SORL1: variants seen among roughly 807,000 people sequenced by gnomAD.
The protein encoded by SORL1 is sortilin-related receptor.
Under a neutral mutation model 273.7 loss-of-function variants are expected in SORL1, and 127 were observed. That is an observed-to-expected ratio of 0.46 (90% CI 0.40 to 0.54). The LOEUF is 0.54. Among genes scored for constraint, SORL1 ranks in the 20% least tolerant of loss-of-function variants. The pLI is 0.00. For synonymous variants in SORL1, 1,031 were observed against 1,067.4 expected (o/e 0.97, Z 0.66); for missense variants, 2,494 against 2,846.1 (o/e 0.88, Z 2.81).
intron 32 of SORL1, among the ~76,000 whole-genome samples, chr11:121,597,283 G>A (rs895162233): frequency 1.3e-5 from 2 of 152,222 alleles, no homozygotes; most frequent in Non-Finnish European, 2.9e-5. Flanking sequence ...GCTTGGTTAA[G>A]AGGAAGGAGT....
chr11:121,568,328 G>A (rs1394796543), intron 22 of SORL1, among the ~76,000 whole-genome samples: 1 of 152,136 alleles, frequency 6.6e-6, no homozygotes, highest in East Asian at 1.9e-4. Context: ...AGAAACAAGA[G>A]ACTTTCTTTC....
intron 11 of SORL1, among the ~76,000 whole-genome samples, chr11:121,529,171 T>C (rs1862166448): frequency 6.6e-6 from 1 of 152,244 alleles, no homozygotes; most frequent in African/African-American, 2.4e-5. Flanking sequence ...ATCTATTTTA[T>C]CTGATATTAA....
At position 121,496,924 on chromosome 11, in the gene SORL1, T is replaced by C. The variant is rs775618901; in HGVS notation, c.814T>C (p.Ser272Pro). The stretch of plus-strand genomic sequence containing the variant: ...CATCTACATTGAACGACATGAACCC[T>C]CTGGCTACTCCACTGTCTTCCGAAG... ...NTIYIERHEPSGYSTVFRSTD... is the reference protein window; with the variant it reads ...NTIYIERHEPPGYSTVFRSTD... The change falls in exon 6 of 48, where the codon TCT (serine) becomes CCT (proline). Residue 272 changes from serine (S) to proline (P), a missense_variant. Transcript: ENST00000260197. 5.6e-6 allele frequency: 9 copies of C among 1,613,688 alleles called. No homozygotes were observed. In the African/African-American group the frequency reaches 9.3e-5, roughly 17 times the overall value.
intron 6 of SORL1, among the ~76,000 whole-genome samples, chr11:121,501,659 T>A (rs184552420): frequency 1.3e-4 from 20 of 152,318 alleles, no homozygotes; most frequent in Admixed American, 9.8e-4. Context: ...GCAGGGGAAC[T>A]GCCCTTTATA....
chr11:121,550,728 G>T lies in SORL1; in HGVS notation c.2266+58G>T, dbSNP rs1315427033. 1 of 1,392,910 alleles carries T rather than the reference G, an allele frequency of 7.2e-7. No individual in the cohort carries two copies. Among genetic ancestry groups the T allele is most frequent in the African/African-American group, 1.4e-5 (1 of 70,184 alleles). 86.3% of individuals were successfully genotyped at this position (1,392,910 alleles called of 1,614,324 possible). On this transcript the variant is annotated intron_variant, in intron 16 of 47. Transcript: ENST00000260197. The surrounding 1 kb of genome is among the most constrained non-coding windows in gnomAD (Gnocchi z 5.3). ...TGAGACATGGTTGAAGCAGTATCAC[G>T]ATCTCACCCAAGTCCGGGCTTGTGG... is the stretch of plus-strand genomic sequence containing the variant.
intron 1 of SORL1, among the ~76,000 whole-genome samples, chr11:121,469,303 C>T (rs1861136054): frequency 1.3e-5 from 2 of 152,200 alleles, no homozygotes; most frequent in South Asian, 4.1e-4. Flanking sequence ...CTGCGGTGTC[C>T]TCAGGAAGCA....
chr11:121,633,088 C>T lies in SORL1; in HGVS notation c.*3525C>T, dbSNP rs1248737169. 6.6e-6 allele frequency: 1 copy of T among 152,092 alleles called. No homozygotes were observed. Among genetic ancestry groups the T allele is most frequent in the Admixed American group, 6.6e-5 (1 of 15,258 alleles). The allele number at this position is 152,092 out of a possible 1,614,324, so 9.4% of individuals were successfully genotyped here. On this transcript the variant is annotated 3_prime_UTR_variant, in exon 48 of 48. Coordinates refer to ENST00000260197, the MANE Select transcript of SORL1 (RefSeq NM_003105.6). ...AATTTTTGTGTAATAAAAGCCAGTG[C>T]ATTAAGTTTATATAGACTACTTTCT...
In SORL1 at chr11:121,452,424, G is replaced by T; in HGVS notation, c.93G>T (p.Trp31Cys). The change falls in exon 1 of 48, where the codon TGG (tryptophan) becomes TGT (cysteine). Residue 31 changes from tryptophan to cysteine, a missense_variant. Physicochemically the swap from Trp to Cys is radical, Grantham distance 215. This residue lies in a region of SORL1 where 175 missense variants were observed against 147.1 expected (regional missense o/e 1.19). Transcript: ENST00000260197. The surrounding 1 kb of genome is among the most constrained non-coding windows in gnomAD (Gnocchi z 5.3). Reference sequence around the variant, plus strand: ...CGCCCGGAGCTCTCTGCGAAGTCTGGACGCAGAGGCTGCACGGCGGCAGCG... The same window carrying T: ...CGCCCGGAGCTCTCTGCGAAGTCTGTACGCAGAGGCTGCACGGCGGCAGCG... ...LLPPGALCEV[W>C]TQRLHGGSAP... 6.6e-7 allele frequency: 1 copy of T among 1,516,604 alleles called. No homozygotes were observed. The highest frequency in any genetic ancestry group is 1.2e-5 in the South Asian group (1 of 80,218). The allele number at this position is 1,516,604 out of a possible 1,614,324, so 93.9% of individuals were successfully genotyped here. A position where few individuals can be genotyped will look rare whatever the true frequency, so the allele number is the denominator to read the frequency against.
intron 22 of SORL1, 32 bp downstream of exon 22, chr11:121,567,145 C>G: frequency 6.3e-7 from 1 of 1,579,010 alleles, no homozygotes. Flanking sequence ...GCCTGTCATC[C>G]TCCTTCCTTT....
Position 121,605,402 on chromosome 11 carries a change from G to C in SORL1, c.4779G>C (p.Arg1593Ser). Residue 1593 changes from arginine to serine, a missense_variant and splice_region_variant, in exon 35 of 48, where the codon AGG (arginine) becomes AGC (serine). By Grantham distance (110) the Arg-to-Ser change is moderately radical (BLOSUM62 -1). Transcript: ENST00000260197. The part of the protein sequence containing the change: ...SASCVYNVYY[R>S]VVGESIWKTL... ...ATATCTTTATTTTTTTTTGGGCCAG[G>C]GTGGTTGGAGAGAGCATATGGAAGA... 6.2e-7 allele frequency: 1 copy of C among 1,606,298 alleles called. No homozygotes were observed. The highest frequency in any genetic ancestry group is 8.5e-7 in the Non-Finnish European group (1 of 1,174,936).
chr11:121,479,736 ACAGAG>A (rs1274507988), intron 3 of SORL1, among the ~76,000 whole-genome samples: 1 of 152,200 alleles, frequency 6.6e-6, no homozygotes, highest in Non-Finnish European at 1.5e-5. Context: ...ACCAGGTGGT[ACAGAG>A]CAGTTGTTTT....
chr11:121,625,319 G>C, intron 46 of SORL1, 42 bp downstream of exon 46: 1 of 1,456,058 alleles, frequency 6.9e-7, no homozygotes, highest in Non-Finnish European at 9.5e-7. Context: ...CAGTTCTAGG[G>C]AAATAGCAAG....
intron 6 of SORL1, among the ~76,000 whole-genome samples, chr11:121,508,040 C>T (rs533363801): frequency 2.6e-5 from 4 of 152,282 alleles, no homozygotes; most frequent in African/African-American, 7.2e-5. Context: ...TGAATTGTCT[C>T]GTAATTTAGC....
intron 24 of SORL1, among the ~76,000 whole-genome samples, chr11:121,575,147 C>T (rs1862908619): frequency 6.6e-6 from 1 of 152,140 alleles, no homozygotes; most frequent in Admixed American, 6.5e-5. Context: ...TGACTGAGGT[C>T]TGTAGAGGTC....
Position 121,567,097 on chromosome 11 carries a change from T to C in SORL1, c.3207T>C (p.Asn1069=), listed in dbSNP as rs1862765516. 6.2e-7 allele frequency: 1 copy of C among 1,612,790 alleles called. No homozygotes were observed. Among genetic ancestry groups the C allele is most frequent in the Non-Finnish European group, 8.5e-7 (1 of 1,179,528 alleles). ...DCPQGYQLKN[N]TCVKQENTCL... Reference sequence around the variant, plus strand: ...CTCAGGGCTATCAGCTCAAGAACAATACCTGTGTCAAACAAGGTACTTCCC... The same window carrying C: ...CTCAGGGCTATCAGCTCAAGAACAACACCTGTGTCAAACAAGGTACTTCCC... Residue 1069 remains asparagine (N), a synonymous_variant, in exon 22 of 48, where the codon AAT becomes AAC. Transcript: ENST00000260197.
intron 14 of SORL1, among the ~76,000 whole-genome samples, chr11:121,545,868 A>G (rs954577074): frequency 1.3e-5 from 2 of 152,224 alleles, no homozygotes; most frequent in Non-Finnish European, 2.9e-5. Context: ...AAAATATCCA[A>G]GGCACTGCTG....
At chr11:121,551,741 T>C (rs1016545123) in intron 16 of SORL1, among the ~76,000 whole-genome samples, 4 of 152,238 alleles carry the variant, frequency 2.6e-5, no homozygotes, top group Non-Finnish European at 5.9e-5. Flanking sequence ...TGCCGCCAGC[T>C]TGCCCTGGTG....
At position 121,558,767 on chromosome 11, in the gene SORL1, C is replaced by A. The variant is rs143571823; in HGVS notation, c.2840C>A (p.Thr947Lys). 1 of 1,614,152 alleles carries A rather than the reference C, an allele frequency of 6.2e-7. No homozygotes were observed. Among genetic ancestry groups the A allele is most frequent in the Non-Finnish European group, 8.5e-7 (1 of 1,180,030 alleles). The change falls in exon 20 of 48, where the codon ACG becomes AAG. Residue 947 changes from threonine to lysine, a missense_variant. Coordinates refer to ENST00000260197, the MANE Select transcript of SORL1 (RefSeq NM_003105.6). ...DAYLECIERI[T>K]FSGQQRSVIL... is the part of the protein sequence containing the mutation. ...TACCTGGAGTGCATAGAGCGGATCACGTTCAGTGGCCAGCAGCGCTCTGTC... is the reference window on the plus strand; with the variant it reads ...TACCTGGAGTGCATAGAGCGGATCAAGTTCAGTGGCCAGCAGCGCTCTGTC...
At position 121,621,127 on chromosome 11, in the gene SORL1, C is replaced by T. The variant is rs756155366; in HGVS notation, c.5953C>T (p.Arg1985Cys). 26 of 1,613,582 alleles carry T rather than the reference C, an allele frequency of 1.6e-5. No individual in the cohort carries two copies. The highest frequency in any genetic ancestry group is 1.9e-5 in the Non-Finnish European group (23 of 1,179,648). ...KTDRSYKVKS[R>C]NSTVEYTLNK... ...TGACAGGAGCTACAAAGTAAAATCC[C>T]GTAACAGCACTGTGGAATACACCCT... Residue 1985 changes from arginine to cysteine, a missense_variant, in exon 44 of 48, where the codon CGT becomes TGT. Transcript: ENST00000260197.
Sources: allele counts gnomAD v4.1 joint callset (sites outside exome capture counted in the v4.1 genomes callset), GRCh38; gene constraint gnomAD v4.1.1; regional missense constraint gnomAD v4.1.1; non-coding constraint Gnocchi (gnomAD v3.1); transcripts MANE v1.5; gene names NCBI Gene and HGNC (gene_info 2026-07-23, HGNC 2026-07-21).